ADGRL4: variants seen among roughly 807,000 people sequenced by gnomAD.
ADGRL4 encodes EGF, latrophilin and seven transmembrane domain containing 1.
Under a neutral mutation model 74.8 loss-of-function variants are expected in ADGRL4, and 90 were observed. The ratio of observed to expected loss-of-function variants is 1.20; its 90% CI spans 1.02 to 1.43. ADGRL4 has a LOEUF of 1.43. Among genes scored for constraint, ADGRL4 ranks in the 40% most tolerant of loss-of-function variants. The pLI is 0.00. For missense variants in ADGRL4, 881 were observed against 814.3 expected, an observed-to-expected ratio of 1.08 and a Z score of -1.00; for synonymous variants, 311 against 279.2, an observed-to-expected ratio of 1.11 and a Z score of -1.14.
At chr1:78,907,880 C>T (rs1648679870) in intron 12 of ADGRL4, among the ~76,000 whole-genome samples, 1 of 151,746 alleles carries the variant, frequency 6.6e-6, no homozygotes, top group South Asian at 2.1e-4. Context: ...CCACACGTCC[C>T]CGTTTGCCTG....
At chr1:78,993,763 C>A (rs150790139) in intron 2 of ADGRL4, among the ~76,000 whole-genome samples, 17,326 of 151,752 alleles carry the variant, frequency 0.11, 1,075 homozygotes, top group Non-Finnish European at 0.14. Flanking sequence ...TTAGTAGAGA[C>A]GGGGTTTCAC....
intron 12 of ADGRL4, among the ~76,000 whole-genome samples, chr1:78,916,761 G>A (rs1035461465): frequency 7.9e-5 from 12 of 151,720 alleles, no homozygotes; most frequent in Admixed American, 5.3e-4. Flanking sequence ...GCTAGCTTAC[G>A]GTCAACACAT....
At chr1:78,917,420 A>T (rs1648898096) in intron 12 of ADGRL4, among the ~76,000 whole-genome samples, 1 of 150,702 alleles carries the variant, frequency 6.6e-6, no homozygotes, top group Non-Finnish European at 1.5e-5. Flanking sequence ...TTTTATATTT[A>T]AAAAGTATAT....
intron 12 of ADGRL4, among the ~76,000 whole-genome samples, chr1:78,898,839 AT>A (rs754520793): frequency 4.6e-5 from 7 of 152,174 alleles, no homozygotes; most frequent in Non-Finnish European, 1.0e-4. Context: ...TAGCACATAC[AT>A]TTTGTTGTTT....
At chr1:78,969,166 T>G (rs1650121042) in intron 2 of ADGRL4, among the ~76,000 whole-genome samples, 1 of 152,232 alleles carries the variant, frequency 6.6e-6, no homozygotes, top group South Asian at 2.1e-4. Flanking sequence ...TCTTTCTCCC[T>G]GGCTTCTCCA....
chr1:78,919,419 C>T (rs879381757), intron 10 of ADGRL4, among the ~76,000 whole-genome samples: 3 of 151,890 alleles, frequency 2.0e-5, no homozygotes, highest in Non-Finnish European at 4.4e-5. Flanking sequence ...GATTCCTGCT[C>T]CTGAGAGACA....
At chr1:78,982,629 T>C (rs79892549) in intron 2 of ADGRL4, among the ~76,000 whole-genome samples, 5,536 of 152,014 alleles carry the variant, frequency 0.036, 127 homozygotes, top group South Asian at 0.053. Flanking sequence ...GACTAGATAA[T>C]CTCAATACCC....
chr1:78,892,558 C>T (rs1407497439), intron 13 of ADGRL4, among the ~76,000 whole-genome samples: 1 of 151,868 alleles, frequency 6.6e-6, no homozygotes. Flanking sequence ...AGAAAGTAAT[C>T]GATCAAACAT....
In ADGRL4 at chr1:79,001,852, T is replaced by C. The variant is rs144462842; in HGVS notation, c.172+3218A>G. Among the ~76,000 whole-genome samples the C allele has an allele frequency of 7.2e-5, 11 of 152,262 alleles. No individual in the cohort carries two copies. The East Asian group carries it at 1.7e-3, about 24-fold the overall frequency. On this transcript the variant is annotated intron_variant, in intron 2 of 14. Transcript: ENST00000370742. ...TTTTCTCATTTTTTCAAGGTAGTTATGGTATTTTATCATAGAGGAAAAAGC... is the reference window on the plus strand; with the variant it reads ...TTTTCTCATTTTTTCAAGGTAGTTACGGTATTTTATCATAGAGGAAAAAGC...
intron 2 of ADGRL4, among the ~76,000 whole-genome samples, chr1:78,947,482 C>A (rs756895682): frequency 6.6e-6 from 1 of 152,122 alleles, no homozygotes; most frequent in Admixed American, 6.6e-5. Context: ...CTTCCCTAGA[C>A]GTTTTCACGT....
intron 1 of ADGRL4, 141 bp from the exon 2 acceptor site, chr1:79,005,360 TTAGC>T (rs1650937244): frequency 3.1e-6 from 2 of 641,648 alleles, no homozygotes; most frequent in East Asian, 6.6e-5. Flanking sequence ...AAGAGAGCAC[TTAGC>T]TAAGTAACAG....
Position 78,938,279 on chromosome 1 carries a change from T to C in ADGRL4, c.397A>G (p.Ile133Val), listed in dbSNP as rs1295869483. Residue 133 changes from isoleucine to valine, a missense_variant and splice_region_variant, in exon 5 of 15, where the codon ATC (isoleucine) becomes GTC (valine). Coordinates refer to ENST00000370742, the MANE Select transcript of ADGRL4 (RefSeq NM_022159.4). Reference sequence around the variant, plus strand: ...GCCACAGGTTCTTTTATGGATCTGATCTGAGAAAAAATGAGTCCAGAAAAA... The same window carrying C: ...GCCACAGGTTCTTTTATGGATCTGACCTGAGAAAAAATGAGTCCAGAAAAA... Reference protein sequence around the residue: ...AANINKTLTKIRSIKEPVALL... With the variant: ...AANINKTLTKVRSIKEPVALL... The C allele has an allele frequency of 6.4e-7, 1 of 1,565,056 alleles. No individual in the cohort carries two copies. The highest frequency in any genetic ancestry group is 8.6e-7 in the Non-Finnish European group (1 of 1,163,276).
chr1:78,938,084 A>G lies in ADGRL4; in HGVS notation c.576+16T>C, dbSNP rs759847886. On this transcript the variant is annotated intron_variant, in intron 5 of 14. Transcript: ENST00000370742. ...TCAAAGCTCAATTATATTGAGTTAAAGCTGAACATACTTACAGTAAGAGTT... is the reference window on the plus strand; with the variant it reads ...TCAAAGCTCAATTATATTGAGTTAAGGCTGAACATACTTACAGTAAGAGTT... The G allele has an allele frequency of 6.2e-7, 1 of 1,611,464 alleles. No homozygotes were observed. Among genetic ancestry groups the G allele is most frequent in the South Asian group, 1.1e-5 (1 of 90,456 alleles).
chr1:78,918,152 C>G, intron 10 of ADGRL4, 102 bp from the exon 11 acceptor site: 1 of 876,062 alleles, frequency 1.1e-6, no homozygotes, highest in East Asian at 2.6e-5. Flanking sequence ...TTTCTTTATA[C>G]TATAAAGTAT....
intron 2 of ADGRL4, among the ~76,000 whole-genome samples, chr1:78,977,352 A>G (rs562797954): frequency 6.5e-4 from 98 of 151,784 alleles, no homozygotes; most frequent in Admixed American, 1.3e-3. Flanking sequence ...TATGGGAACT[A>G]GGGTAATTGA....
chr1:78,993,862 C>G (rs542106502), intron 2 of ADGRL4, among the ~76,000 whole-genome samples: 10 of 152,036 alleles, frequency 6.6e-5, no homozygotes, highest in African/African-American at 2.4e-4. Context: ...CATGAGACAC[C>G]GCACCCGGCC....
chr1:78,941,424 T>C (rs1366688181), intron 3 of ADGRL4, among the ~76,000 whole-genome samples: 1 of 152,140 alleles, frequency 6.6e-6, no homozygotes, highest in Non-Finnish European at 1.5e-5. Flanking sequence ...CCATGAAGTA[T>C]CATAAACAAC....
intron 12 of ADGRL4, among the ~76,000 whole-genome samples, chr1:78,896,174 A>G (rs1045744456): frequency 1.3e-5 from 2 of 151,754 alleles, no homozygotes; most frequent in South Asian, 4.2e-4. Context: ...TAGGAATATC[A>G]CTTTCTTAGC....
intron 5 of ADGRL4, 38 bp from the exon 6 acceptor site, chr1:78,938,028 T>C (rs1277696986): frequency 1.2e-6 from 2 of 1,605,496 alleles, no homozygotes; most frequent in Non-Finnish European, 1.7e-6. Context: ...AATGTTGGAA[T>C]CCTACACTAT....
Sources: allele counts gnomAD v4.1 joint callset (sites outside exome capture counted in the v4.1 genomes callset), GRCh38; gene constraint gnomAD v4.1.1; transcripts MANE v1.5; gene names NCBI Gene and HGNC (gene_info 2026-07-23, HGNC 2026-07-21).